The following CDH18 variants were observed in gnomAD, a reference collection of about 807,000 sequenced individuals.
CDH18 encodes cadherin-18.
In CDH18, 31 loss-of-function variants were observed where a neutral mutation model predicts 67.9. The observed-to-expected ratio is 0.46, with a 90% CI of 0.34 to 0.62. The LOEUF (loss-of-function observed/expected upper bound fraction) is 0.62, where lower values mean the gene tolerates loss of function less well. Ranked by LOEUF, CDH18 falls within the 20% of genes least tolerant of loss-of-function variation. The pLI, the probability that CDH18 is intolerant of heterozygous loss-of-function variation, is 0.01. For synonymous variants in CDH18, 362 were observed against 347.2 expected, an observed-to-expected ratio of 1.04 and a Z score of -0.48; for missense variants, 890 against 975.5, an observed-to-expected ratio of 0.91 and a Z score of 1.17.
chr5:20,125,133 A>G (rs1580299424), intron 2 of CDH18, among the ~76,000 whole-genome samples: 1 of 152,336 alleles, frequency 6.6e-6, no homozygotes, highest in South Asian at 2.1e-4. Context: ...TAAATAAACA[A>G]GGATACTTCC....
At chr5:20,286,093 AAT>A (rs1364084766) in intron 1 of CDH18, among the ~76,000 whole-genome samples, 2 of 151,594 alleles carry the variant, frequency 1.3e-5, no homozygotes, top group Non-Finnish European at 3.0e-5. Flanking sequence ...GGAGAGAACA[AAT>A]AGATAATGGA....
chr5:20,479,107 G>C (rs1375250842), intron 1 of CDH18, among the ~76,000 whole-genome samples: 3 of 152,018 alleles, frequency 2.0e-5, no homozygotes, highest in Non-Finnish European at 4.4e-5. Context: ...AACAACACTC[G>C]ATGCTTTTTG....
At chr5:20,387,994 T>A (rs1744460421) in intron 1 of CDH18, among the ~76,000 whole-genome samples, 2 of 152,170 alleles carry the variant, frequency 1.3e-5, no homozygotes, top group South Asian at 4.1e-4. Context: ...GATTTTTGCA[T>A]CGATGTTCAT....
At chr5:19,570,842 TCTAA>T (rs1248377196) in intron 8 of CDH18, among the ~76,000 whole-genome samples, 1 of 152,190 alleles carries the variant, frequency 6.6e-6, no homozygotes, top group African/African-American at 2.4e-5. Flanking sequence ...AGTCCTTTAA[TCTAA>T]CTAAATCCTA....
intron 1 of CDH18, chr5:20,305,702 C>A (rs1736378317): frequency 4.9e-6 from 2 of 410,174 alleles, no homozygotes; most frequent in African/African-American, 4.2e-5. Context: ...AGCGAGGCGG[C>A]GAGACGCGCC....
At chr5:20,353,250 G>T (rs1420343464) in intron 1 of CDH18, among the ~76,000 whole-genome samples, 1 of 152,138 alleles carries the variant, frequency 6.6e-6, no homozygotes, top group East Asian at 1.9e-4. Context: ...TTACCTGTAA[G>T]TGCCCAAGTG....
intron 3 of CDH18, among the ~76,000 whole-genome samples, chr5:19,788,806 T>C (rs549900898): frequency 6.6e-6 from 1 of 152,344 alleles, no homozygotes; most frequent in African/African-American, 2.4e-5. Flanking sequence ...TGGTGACTTG[T>C]TGTTAAAGGA....
intron 5 of CDH18, among the ~76,000 whole-genome samples, chr5:19,703,246 C>T (rs184836183): frequency 2.6e-4 from 40 of 152,148 alleles, no homozygotes; most frequent in South Asian, 1.2e-3. Flanking sequence ...GCCAGAGTGA[C>T]GGTTGGAGAA....
At chr5:20,382,225 G>A (rs562715023) in intron 1 of CDH18, among the ~76,000 whole-genome samples, 92 of 152,240 alleles carry the variant, frequency 6.0e-4, no homozygotes, top group Admixed American at 1.9e-3. Context: ...AGAGAAGTGA[G>A]ACAATACCTT....
chr5:19,994,856 A>G (rs1735859173), intron 2 of CDH18, among the ~76,000 whole-genome samples: 1 of 35,806 alleles, frequency 2.8e-5, no homozygotes, highest in Non-Finnish European at 5.6e-5. Context: ...ATATATATAT[A>G]GAGAGAGAGA....
rs370058320 is a variant in CDH18, at chr5:20,163,155, T to C, written c.-518+92289A>G. Among the ~76,000 whole-genome samples, 41 of 152,226 alleles carry C rather than the reference T, an allele frequency of 2.7e-4. 2 individuals are homozygous for C. In the South Asian group the frequency reaches 8.3e-3, roughly 31 times the overall value. ...ATATTTCCTCACACTGCTTCATCTA[T>C]TTCTTGAGGTATTTTAAAGATCCCT... On this transcript the variant is annotated intron_variant, in intron 2 of 14. Transcript: ENST00000507958.
chr5:20,440,259 G>A (rs1749511614), intron 1 of CDH18, among the ~76,000 whole-genome samples: 1 of 151,816 alleles, frequency 6.6e-6, no homozygotes, highest in East Asian at 1.9e-4. Flanking sequence ...AAACTTCGGA[G>A]AAAGGCACAA....
intron 2 of CDH18, among the ~76,000 whole-genome samples, chr5:20,160,048 T>C (rs1751854065): frequency 6.6e-6 from 1 of 152,226 alleles, no homozygotes; most frequent in Non-Finnish European, 1.5e-5. Flanking sequence ...AGAAAAATTT[T>C]GTCTCAGCAA....
chr5:20,167,430 A>G (rs1736379080), intron 2 of CDH18, among the ~76,000 whole-genome samples: 1 of 152,042 alleles, frequency 6.6e-6, no homozygotes, highest in East Asian at 1.9e-4. Flanking sequence ...CAAAGAATTT[A>G]GAGAGCTCTC....
At chr5:19,859,549 T>G (rs541112446) in intron 2 of CDH18, among the ~76,000 whole-genome samples, 2 of 152,294 alleles carry the variant, frequency 1.3e-5, no homozygotes, top group East Asian at 3.9e-4. Context: ...TTTTTAGGTC[T>G]GATAAGAGCT....
At chr5:20,032,153 A>C (rs1232912528) in intron 2 of CDH18, among the ~76,000 whole-genome samples, 2 of 152,008 alleles carry the variant, frequency 1.3e-5, no homozygotes, top group Non-Finnish European at 2.9e-5. Context: ...AAAATCTTAT[A>C]AATCTAAATG....
intron 2 of CDH18, among the ~76,000 whole-genome samples, chr5:19,994,250 CACATATAT>C (rs946265791): frequency 2.9e-5 from 4 of 139,382 alleles, no homozygotes; most frequent in Middle Eastern, 3.8e-3. Context: ...CACACATATA[CACATATAT>C]ACACATATAT....
At chr5:20,358,782 A>T (rs980621284) in intron 1 of CDH18, among the ~76,000 whole-genome samples, 14 of 152,288 alleles carry the variant, frequency 9.2e-5, no homozygotes, top group Admixed American at 8.5e-4. Context: ...TATATTTTTA[A>T]GTAAAGCAAA....
In CDH18 at chr5:20,122,686, A is replaced by G. The variant is rs138293989; in HGVS notation, c.-517-130672T>C. ...TATTCCTACTGGTTTAGATGATTCTACTGAATATTTCAAATGAGAATACAT... is the reference window on the plus strand; with the variant it reads ...TATTCCTACTGGTTTAGATGATTCTGCTGAATATTTCAAATGAGAATACAT... On this transcript the variant is annotated intron_variant, in intron 2 of 14. Transcript: ENST00000507958. Among the ~76,000 whole-genome samples the G allele has an allele frequency of 6.2e-4, 94 of 151,726 alleles. No individual in the cohort carries two copies. In the South Asian group the frequency reaches 0.017, roughly 27 times the overall value.
Sources: gnomAD v4.1 joint callset for allele counts (sites outside exome capture counted in the v4.1 genomes callset) on GRCh38, gnomAD v4.1.1 for gene constraint, MANE v1.5 for transcripts, NCBI Gene and HGNC (gene_info 2026-07-23, HGNC 2026-07-21) for gene names.